The following GRK5 variants were observed in gnomAD, a reference collection of about 807,000 sequenced individuals.
The protein encoded by GRK5 is g protein-coupled receptor kinase GRK5.
Under a neutral mutation model 78.4 loss-of-function variants are expected in GRK5, and 40 were observed. The ratio of observed to expected loss-of-function variants is 0.51; its 90% CI spans 0.40 to 0.66. The LOEUF is 0.66. Among genes scored for constraint, GRK5 ranks in the 30% least tolerant of loss-of-function variants. The pLI, the probability that GRK5 is intolerant of heterozygous loss-of-function variation, is 0.00. For synonymous variants in GRK5, 289 were observed against 296.8 expected (o/e 0.97, Z 0.27); for missense variants, 598 against 759.9 (o/e 0.79, Z 2.50).
chr10:119,272,193 G>T (rs1375295138), intron 1 of GRK5, among the ~76,000 whole-genome samples: 1 of 152,240 alleles, frequency 6.6e-6, no homozygotes, highest in Non-Finnish European at 1.5e-5. Context: ...AAATGGGACG[G>T]TCCTGGGTTT....
At chr10:119,422,252 G>A (rs897465149) in intron 4 of GRK5, among the ~76,000 whole-genome samples, 2 of 152,116 alleles carry the variant, frequency 1.3e-5, no homozygotes, top group East Asian at 1.9e-4. Flanking sequence ...AGATGCGGCC[G>A]CCACTCCTGG....
At chr10:119,394,461 A>G (rs1851982510) in intron 3 of GRK5, among the ~76,000 whole-genome samples, 1 of 37,082 alleles carries the variant, frequency 2.7e-5, no homozygotes, top group Non-Finnish European at 5.1e-5. Context: ...CTTAGTGGGC[A>G]CGTGTGTGGA....
intron 3 of GRK5, among the ~76,000 whole-genome samples, chr10:119,394,292 A>C (rs957429246): frequency 1.8e-4 from 1 of 5,410 alleles, no homozygotes; most frequent in Non-Finnish European, 3.6e-4. Flanking sequence ...GTGGGTGTGT[A>C]TCTGTGTGTC....
Position 119,441,984 on chromosome 10 carries a change from T to G in GRK5, c.968-15T>G, listed in dbSNP as rs1040340443. ...GGCTGTCCCAGGGACCCACTGACCC[T>G]GCTGTCCCCCTCAGGCCACATTAGG... On this transcript the variant is annotated splice_polypyrimidine_tract_variant and intron_variant, in intron 10 of 15. Coordinates refer to ENST00000392870, the MANE Select transcript of GRK5 (RefSeq NM_005308.3). 9 of 1,610,422 alleles carry G rather than the reference T, an allele frequency of 5.6e-6. No homozygotes were observed. The highest frequency in any genetic ancestry group is 5.3e-5 in the African/African-American group (4 of 74,984).
At chr10:119,371,743 C>A (rs930487622) in intron 2 of GRK5, among the ~76,000 whole-genome samples, 1 of 152,250 alleles carries the variant, frequency 6.6e-6, no homozygotes, top group Non-Finnish European at 1.5e-5. Flanking sequence ...TACCTCCTAT[C>A]TCCTTTCTCA....
rs970752053 is a variant in GRK5, at chr10:119,412,346, T to G, written c.340-10820T>G. ...CACGGTGCCCGGGCCGTGCAGTCCA[T>G]CGCCTGGGCTGACCACGAGGACACC... On this transcript the variant is annotated intron_variant, in intron 4 of 15. Coordinates refer to ENST00000392870, the MANE Select transcript of GRK5 (RefSeq NM_005308.3). The surrounding 1 kb of genome is among the most constrained non-coding windows in gnomAD (Gnocchi z 4.3). Among the ~76,000 whole-genome samples the G allele has an allele frequency of 1.3e-5, 2 of 152,086 alleles. No individual in the cohort carries two copies. The highest frequency in any genetic ancestry group is 2.9e-5 in the Non-Finnish European group (2 of 68,006).
chr10:119,431,349 G>T lies in GRK5; in HGVS notation c.598-38G>T. 1.3e-6 allele frequency: 2 copies of T among 1,595,486 alleles called. No individual in the cohort carries two copies. The highest frequency in any genetic ancestry group is 1.7e-6 in the Non-Finnish European group (2 of 1,170,554). ...GGAGGAGCTCGGGGCAGGCCTCCAC[G>T]GTGCTCCTGCCACCCTGGTTTCTTT... On this transcript the variant is annotated intron_variant, in intron 7 of 15. Transcript: ENST00000392870. The surrounding 1 kb of genome is among the most constrained non-coding windows in gnomAD (Gnocchi z 4.8).
intron 12 of GRK5, 90 bp downstream of exon 12, chr10:119,443,842 C>A: frequency 8.8e-7 from 1 of 1,130,886 alleles, no homozygotes; most frequent in Non-Finnish European, 1.3e-6. Flanking sequence ...AGCAAACAGG[C>A]TGAAGGGACA....
chr10:119,385,514 T>C (rs1027371301), intron 3 of GRK5, among the ~76,000 whole-genome samples: 4 of 152,166 alleles, frequency 2.6e-5, no homozygotes, highest in African/African-American at 9.7e-5. Flanking sequence ...GGAGATCTGC[T>C]AGGAGGCTGT....
chr10:119,329,599 G>A (rs1385592500), intron 2 of GRK5, among the ~76,000 whole-genome samples: 5 of 152,044 alleles, frequency 3.3e-5, no homozygotes, highest in South Asian at 4.1e-4. Flanking sequence ...GCGTGGTGGC[G>A]CATGCCTGTA....
At chr10:119,318,271 A>T (rs925680921) in intron 1 of GRK5, among the ~76,000 whole-genome samples, 2 of 152,124 alleles carry the variant, frequency 1.3e-5, no homozygotes, top group African/African-American at 4.8e-5. Context: ...CCTTTCTGGG[A>T]CTCTATTTCT....
At chr10:119,243,569 T>TC (rs11374312) in intron 1 of GRK5, among the ~76,000 whole-genome samples, 123,004 of 145,926 alleles carry the variant, frequency 0.84, 52,671 homozygotes, top group East Asian at 0.94. Context: ...AGTTTTTCTT[T>TC]TTTTTTTTTT....
chr10:119,278,652 A>G (rs1187815456), intron 1 of GRK5, among the ~76,000 whole-genome samples: 1 of 151,588 alleles, frequency 6.6e-6, no homozygotes, highest in African/African-American at 2.4e-5. Flanking sequence ...TCCACCTATC[A>G]CTCATTCATT....
Position 119,448,164 on chromosome 10 carries a change from G to T in GRK5, c.1308G>T (p.Glu436Asp). 1 of 1,568,884 alleles carries T rather than the reference G, an allele frequency of 6.4e-7. No individual in the cohort carries two copies. Among genetic ancestry groups the T allele is most frequent in the Middle Eastern group, 1.7e-4 (1 of 5,954 alleles). Residue 436 changes from glutamate to aspartate, a missense_variant, in exon 13 of 16, where the codon GAG becomes GAT. Glu to Asp is a conservative substitution (Grantham distance 45). Transcript: ENST00000392870. ...CGAAGCAGAGGCTGGGCTGCCAGGA[G>T]GAGGGGGCTGCAGAGGTCAAGAGAC... ...KDAKQRLGCQ[E>D]EGAAEVKRHP...
chr10:119,287,880 A>G (rs1054901683), intron 1 of GRK5, among the ~76,000 whole-genome samples: 2 of 152,226 alleles, frequency 1.3e-5, no homozygotes, highest in Non-Finnish European at 2.9e-5. Flanking sequence ...TTGCCCAGGT[A>G]GACACAGCCA....
At chr10:119,393,296 G>C (rs1851916977) in intron 3 of GRK5, among the ~76,000 whole-genome samples, 1 of 152,270 alleles carries the variant, frequency 6.6e-6, no homozygotes, top group Admixed American at 6.5e-5. Context: ...TGCTCCCTCT[G>C]CCGCCCTGTG....
chr10:119,272,379 C>G (rs1035276018), intron 1 of GRK5, among the ~76,000 whole-genome samples: 2 of 152,046 alleles, frequency 1.3e-5, no homozygotes. Flanking sequence ...GAGTTCAAGA[C>G]CAGACTGGCC....
At chr10:119,257,970 T>C (rs1188120186) in intron 1 of GRK5, among the ~76,000 whole-genome samples, 3 of 152,242 alleles carry the variant, frequency 2.0e-5, no homozygotes, top group Non-Finnish European at 4.4e-5. Flanking sequence ...GTAATTTATA[T>C]ACAGTAACAT....
chr10:119,332,107 A>AT (rs35213335), intron 2 of GRK5, among the ~76,000 whole-genome samples: 9,358 of 131,770 alleles, frequency 0.071, 395 homozygotes, highest in East Asian at 0.22. Flanking sequence ...TGTAATTTTG[A>AT]TTTTTTTTTT....
Sources: gnomAD v4.1 joint callset for allele counts (sites outside exome capture counted in the v4.1 genomes callset) on GRCh38, gnomAD v4.1.1 for gene constraint, Gnocchi (gnomAD v3.1) non-coding constraint, MANE v1.5 for transcripts, NCBI Gene and HGNC (gene_info 2026-07-23, HGNC 2026-07-21) for gene names.